SH3KBP1: variants seen among roughly 807,000 people sequenced by gnomAD.
SH3KBP1 encodes the protein SH3 domain containing kinase binding protein 1, also known as SH3 domain-containing kinase-binding protein 1.
Under a neutral mutation model 50.1 loss-of-function variants are expected in SH3KBP1, and 8 were observed. The ratio of observed to expected loss-of-function variants is 0.16; its 90% CI spans 0.09 to 0.29. SH3KBP1 has a LOEUF of 0.29. Ranked by LOEUF, SH3KBP1 falls within the 10% of genes least tolerant of loss-of-function variation. The pLI, the probability that SH3KBP1 is intolerant of heterozygous loss-of-function variation, is 1.00. For missense variants in SH3KBP1, 377 were observed against 535.2 expected (o/e 0.70, Z 2.92); for synonymous variants, 227 against 218.6 (o/e 1.04, Z -0.34).
At chrX:19,744,456 C>T (rs751885802) in intron 3 of SH3KBP1, among the ~76,000 whole-genome samples, 1 of 111,679 alleles carries the variant, frequency 9.0e-6, no homozygotes, top group East Asian at 2.8e-4. Context: ...GCCTGGTACA[C>T]AATGCTTCCC....
intron 2 of SH3KBP1, among the ~76,000 whole-genome samples, chrX:19,795,936 A>G (rs1431109220): frequency 2.7e-5 from 3 of 112,042 alleles, no homozygotes; most frequent in African/African-American, 9.8e-5. Flanking sequence ...CTCTATATAA[A>G]CTAAGCATAG....
chrX:19,773,649 G>A (rs1357730345), intron 2 of SH3KBP1, among the ~76,000 whole-genome samples: 2 of 108,682 alleles, frequency 1.8e-5, no homozygotes. Context: ...AAGGTCAGGA[G>A]ACTGAGATCA....
chrX:19,693,656 C>T (rs982839936), intron 5 of SH3KBP1, among the ~76,000 whole-genome samples: 7 of 111,646 alleles, frequency 6.3e-5, no homozygotes, highest in African/African-American at 2.3e-4. Context: ...TGACATAATG[C>T]TAAATGGGAA....
chrX:19,796,876 A>G (rs1453261155), intron 2 of SH3KBP1, among the ~76,000 whole-genome samples: 3 of 112,399 alleles, frequency 2.7e-5, no homozygotes, highest in African/African-American at 9.7e-5. Context: ...AAAGTGCCAG[A>G]GCAGTGATGG....
At chrX:19,722,401 T>C (rs1041700653) in intron 3 of SH3KBP1, among the ~76,000 whole-genome samples, 10 of 111,789 alleles carry the variant, frequency 8.9e-5, no homozygotes, top group Non-Finnish European at 1.7e-4. Flanking sequence ...CTCCCTTTTC[T>C]GACTACTTAA....
intron 2 of SH3KBP1, among the ~76,000 whole-genome samples, chrX:19,790,748 A>C (rs970849856): frequency 9.0e-6 from 1 of 110,757 alleles, no homozygotes; most frequent in African/African-American, 3.3e-5. Flanking sequence ...CATGATTATA[A>C]CATGTTACAT....
Position 19,846,904 on chromosome X carries a change from T to C in SH3KBP1, c.5-10622A>G, listed in dbSNP as rs1241176493. Among the ~76,000 whole-genome samples, 3 of 111,497 alleles carry C rather than the reference T, an allele frequency of 2.7e-5. No homozygotes were observed. In the Admixed American group the frequency reaches 2.9e-4, roughly 11 times the overall value. On this transcript the variant is annotated intron_variant, in intron 1 of 17. Coordinates refer to ENST00000397821, the MANE Select transcript of SH3KBP1 (RefSeq NM_031892.3). Reference sequence around the variant, plus strand: ...ACTCTTGCTTGTCTTGAGGATAGGATAGTAAGGGGGCAGGTTGGCTTTATA... The same window carrying C: ...ACTCTTGCTTGTCTTGAGGATAGGACAGTAAGGGGGCAGGTTGGCTTTATA...
chrX:19,664,145 C>T (rs182335610), intron 6 of SH3KBP1, among the ~76,000 whole-genome samples: 1 of 111,822 alleles, frequency 8.9e-6, no homozygotes, highest in Admixed American at 9.5e-5. Context: ...GACCACAGAA[C>T]AGTCAACTGT....
intron 1 of SH3KBP1, among the ~76,000 whole-genome samples, chrX:19,873,699 C>T (rs905593797): frequency 9.4e-6 from 1 of 106,413 alleles, no homozygotes; most frequent in African/African-American, 3.5e-5. Context: ...ATAAAGAAAA[C>T]CTAAAAAGAA....
intron 8 of SH3KBP1, among the ~76,000 whole-genome samples, chrX:19,623,404 C>T (rs1233736037): frequency 8.9e-6 from 1 of 112,002 alleles, no homozygotes. Flanking sequence ...AGTGTATCCC[C>T]GCCAGGCGTG....
intron 14 of SH3KBP1, among the ~76,000 whole-genome samples, chrX:19,546,810 C>A (rs1053665189): frequency 9.0e-6 from 1 of 111,460 alleles, no homozygotes; most frequent in Non-Finnish European, 1.9e-5. Flanking sequence ...AAATATAGGA[C>A]GACACCCCTG....
intron 2 of SH3KBP1, among the ~76,000 whole-genome samples, chrX:19,820,607 G>C (rs752500742): frequency 1.9e-3 from 208 of 109,629 alleles, no homozygotes; most frequent in South Asian, 8.5e-3. Context: ...TATTTGAAGT[G>C]AGTTTCTTAC....
chrX:19,765,759 T>G (rs984958511), intron 2 of SH3KBP1, among the ~76,000 whole-genome samples: 7 of 111,997 alleles, frequency 6.3e-5, no homozygotes, highest in South Asian at 3.7e-4. Context: ...GTCCATTTTC[T>G]GTCTCTGTAA....
At chrX:19,780,539 T>A (rs1455255707) in intron 2 of SH3KBP1, among the ~76,000 whole-genome samples, 6 of 107,616 alleles carry the variant, frequency 5.6e-5, no homozygotes, top group South Asian at 4.2e-4. Context: ...CTGAATGGTA[T>A]TGCCTAGGTT....
chrX:19,731,995 A>G (rs754402621), intron 3 of SH3KBP1, among the ~76,000 whole-genome samples: 8 of 112,293 alleles, frequency 7.1e-5, no homozygotes, highest in Non-Finnish European at 1.3e-4. Context: ...TTCATTTAAT[A>G]TACTGTCATA....
intron 15 of SH3KBP1, among the ~76,000 whole-genome samples, chrX:19,542,709 C>G (rs1369243712): frequency 9.0e-6 from 1 of 111,387 alleles, no homozygotes; most frequent in East Asian, 2.8e-4. Flanking sequence ...TGGAGGAGGA[C>G]CAAGAAGTAG....
At chrX:19,785,093 C>A (rs1454792675) in intron 2 of SH3KBP1, among the ~76,000 whole-genome samples, 2 of 110,782 alleles carry the variant, frequency 1.8e-5, no homozygotes, top group African/African-American at 6.6e-5. Context: ...AGGTACTGGG[C>A]AAATGAAGAT....
intron 6 of SH3KBP1, among the ~76,000 whole-genome samples, chrX:19,652,492 C>T (rs1416118895): frequency 1.8e-5 from 2 of 110,955 alleles, no homozygotes; most frequent in Admixed American, 9.6e-5. Flanking sequence ...ACACACACGC[C>T]CCATTCTCTT....
chrX:19,787,616 T>C (rs1160251829), intron 2 of SH3KBP1, among the ~76,000 whole-genome samples: 1 of 111,951 alleles, frequency 8.9e-6, no homozygotes, highest in Non-Finnish European at 1.9e-5. Context: ...AAATGATATT[T>C]AAATAGCATC....
Sources: allele counts gnomAD v4.1 joint callset (sites outside exome capture counted in the v4.1 genomes callset), GRCh38; gene constraint gnomAD v4.1.1; transcripts MANE v1.5; gene names NCBI Gene and HGNC (gene_info 2026-07-23, HGNC 2026-07-21).